Variants in IL1R1 observed in about 807,000 individuals in gnomAD.
IL1R1 encodes interleukin-1 receptor type 1.
Under a neutral mutation model 50.2 loss-of-function variants are expected in IL1R1, and 22 were observed. The ratio of observed to expected loss-of-function variants is 0.44; its 90% CI spans 0.31 to 0.63. IL1R1 has a LOEUF of 0.63. Among genes scored for constraint, IL1R1 ranks in the 20% least tolerant of loss-of-function variants. IL1R1 has a pLI of 0.07. For synonymous variants in IL1R1, 251 were observed against 236.7 expected (o/e 1.06, Z -0.55); for missense variants, 509 against 676.2 (o/e 0.75, Z 2.74).
intron 1 of IL1R1, among the ~76,000 whole-genome samples, chr2:102,116,091 G>A (rs1261242265): frequency 6.6e-6 from 1 of 152,220 alleles, no homozygotes; most frequent in Non-Finnish European, 1.5e-5. Flanking sequence ...TTGCATAGTT[G>A]CAGTATCTTC....
intron 1 of IL1R1, among the ~76,000 whole-genome samples, chr2:102,099,214 T>C (rs1165043492): frequency 6.6e-6 from 1 of 152,154 alleles, no homozygotes; most frequent in Non-Finnish European, 1.5e-5. Context: ...TATTTCAAAA[T>C]GTGAATAGTG....
upstream of IL1R1, among the ~76,000 whole-genome samples, chr2:102,103,063 T>A (rs1680213657): frequency 6.6e-6 from 1 of 152,082 alleles, no homozygotes; most frequent in Admixed American, 6.5e-5. Flanking sequence ...ATTACCTAGG[T>A]TACAAAAAAA....
rs1177809482 is a variant in IL1R1, at chr2:102,166,280, A to G, written c.654A>G (p.Leu218=). ...PITRVIEFIT[L]EENKPTRPVI... is the part of the protein sequence containing the mutation. ...CCCGGGTAATAGAATTTATTACTCT[A>G]GGTGAGTCATAGCTCCAGCCCTAAA... The change falls in exon 6 of 12, where the codon CTA becomes CTG. Residue 218 remains leucine (L), a splice_region_variant and synonymous_variant. Coordinates refer to ENST00000410023, the MANE Select transcript of IL1R1 (RefSeq NM_000877.4). 1 of 1,609,994 alleles carries G rather than the reference A, an allele frequency of 6.2e-7. No homozygotes were observed. The highest frequency in any genetic ancestry group is 2.2e-5 in the East Asian group (1 of 44,818).
chr2:102,096,647 C>A (rs1374546820), intron 1 of IL1R1, among the ~76,000 whole-genome samples: 3 of 151,304 alleles, frequency 2.0e-5, no homozygotes, highest in African/African-American at 7.3e-5. Context: ...AAATGTCTTC[C>A]TCTTCTGGCT....
intron 1 of IL1R1, among the ~76,000 whole-genome samples, chr2:102,115,176 A>T (rs559261884): frequency 6.6e-6 from 1 of 152,336 alleles, no homozygotes; most frequent in South Asian, 2.1e-4. Context: ...AGGTGATCAT[A>T]CTGTGCAGTT....
intron 3 of IL1R1, among the ~76,000 whole-genome samples, chr2:102,161,567 C>T (rs897573052): frequency 3.9e-5 from 6 of 152,170 alleles, no homozygotes; most frequent in Admixed American, 2.0e-4. Flanking sequence ...GAACCAGTTT[C>T]TCTAGTTCTT....
At chr2:102,121,055 G>A (rs568091211) in intron 1 of IL1R1, among the ~76,000 whole-genome samples, 30 of 152,244 alleles carry the variant, frequency 2.0e-4, no homozygotes, top group Admixed American at 1.8e-3. Flanking sequence ...CATCCTGCAG[G>A]GTTTCCCTCT....
rs148488613 is a variant in IL1R1 at position 102,135,665 on chromosome 2, T to A, written c.-83-18276T>A. ...CGAGTACGGATTTAAAACGACCAGA[T>A]TGTCCATTTTGGATGAAGACTGGCT... On this transcript the variant is annotated intron_variant, in intron 1 of 10. Transcript: ENST00000409329. 3.4e-3 allele frequency among the ~76,000 whole-genome samples: 525 copies of A among 152,212 alleles called. 2 individuals carry two copies. Among genetic ancestry groups the A allele is most frequent in the African/African-American group, 0.012 (502 of 41,534 alleles).
chr2:102,157,220 A>G (rs1201034253), intron 2 of IL1R1, among the ~76,000 whole-genome samples: 1 of 152,068 alleles, frequency 6.6e-6, no homozygotes, highest in Non-Finnish European at 1.5e-5. Flanking sequence ...GCTATATCCT[A>G]TTGTACAAGC....
At chr2:102,132,984 C>T (rs188364035) in intron 1 of IL1R1, among the ~76,000 whole-genome samples, 1 of 148,650 alleles carries the variant, frequency 6.7e-6, no homozygotes, top group Admixed American at 6.7e-5. Flanking sequence ...GTGGCTCACA[C>T]CTGTAATCCT....
chr2:102,158,807 G>A (rs1296441427), intron 3 of IL1R1, among the ~76,000 whole-genome samples: 1 of 152,176 alleles, frequency 6.6e-6, no homozygotes, highest in Non-Finnish European at 1.5e-5. Flanking sequence ...TTTGATTCCT[G>A]TTTTGAGAAT....
At chr2:102,163,430 T>A (rs575293643) in intron 3 of IL1R1, among the ~76,000 whole-genome samples, 1 of 152,328 alleles carries the variant, frequency 6.6e-6, no homozygotes, top group East Asian at 1.9e-4. Context: ...GTGCTTAATT[T>A]TGGATAATTT....
upstream of IL1R1, among the ~76,000 whole-genome samples, chr2:102,138,565 G>T (rs558745548): frequency 1.6e-3 from 245 of 152,322 alleles, 1 homozygote; most frequent in Non-Finnish European, 2.9e-3. Context: ...TGAACGGAAA[G>T]ATAATCATAG....
chr2:102,172,607 A>G, intron 8 of IL1R1, 80 bp from the exon 9 acceptor site: 1 of 1,237,488 alleles, frequency 8.1e-7, no homozygotes, highest in East Asian at 2.6e-5. Context: ...ACAAATAAGG[A>G]AATACACAGG....
chr2:102,079,085 A>C (rs1197654658), intron 1 of IL1R1, among the ~76,000 whole-genome samples: 1 of 152,132 alleles, frequency 6.6e-6, no homozygotes, highest in African/African-American at 2.4e-5. Flanking sequence ...AAACCAACAA[A>C]AATCAGCAGA....
At chr2:102,151,638 C>T (rs1683660770) in intron 1 of IL1R1, among the ~76,000 whole-genome samples, 1 of 152,308 alleles carries the variant, frequency 6.6e-6, no homozygotes, top group East Asian at 1.9e-4. Context: ...AGCCAGGGGG[C>T]CCAGAGCCAG....
At chr2:102,088,405 TA>T (rs904550926) in intron 1 of IL1R1, among the ~76,000 whole-genome samples, 27 of 152,178 alleles carry the variant, frequency 1.8e-4, no homozygotes, top group African/African-American at 6.3e-4. Flanking sequence ...TGAACAGTGA[TA>T]TTTTTACAGG....
rs115590460 is a variant in IL1R1, at chr2:102,129,486, C to T, written c.-83-24455C>T. Reference sequence around the variant, plus strand: ...GTCAGATGACCAGTTAAGAAAGCTGCGGTGCAGTAAATTGGAAAGGGAATT... The same window carrying T: ...GTCAGATGACCAGTTAAGAAAGCTGTGGTGCAGTAAATTGGAAAGGGAATT... On this transcript the variant is annotated intron_variant, in intron 1 of 10. Transcript: ENST00000409329. Among the ~76,000 whole-genome samples the T allele has an allele frequency of 6.8e-3, 1,037 of 152,200 alleles. 21 individuals carry two copies. In the South Asian group the frequency reaches 0.091, roughly 13 times the overall value.
intron 1 of IL1R1, among the ~76,000 whole-genome samples, chr2:102,083,174 A>T (rs940782794): frequency 1.3e-5 from 2 of 152,158 alleles, no homozygotes; most frequent in African/African-American, 2.4e-5. Flanking sequence ...AACTCTAAGA[A>T]GGTCTAGGGC....
Sources: allele counts gnomAD v4.1 joint callset (sites outside exome capture counted in the v4.1 genomes callset), GRCh38; gene constraint gnomAD v4.1.1; transcripts MANE v1.5; gene names NCBI Gene and HGNC (gene_info 2026-07-23, HGNC 2026-07-21).